The following RNF216 variants were observed in gnomAD, a reference collection of about 807,000 sequenced individuals.
RNF216 encodes the protein E3 ubiquitin-protein ligase RNF216.
RNF216 carries 72 observed loss-of-function variants against 110.8 expected under a neutral mutation model. That is an observed-to-expected ratio of 0.65 (90% CI 0.54 to 0.79). The LOEUF is 0.79. Among genes scored for constraint, RNF216 ranks in the 30% least tolerant of loss-of-function variants. The pLI is 0.00. For missense variants in RNF216, 1,342 were observed against 1,141.2 expected (o/e 1.18, Z -2.54); for synonymous variants, 495 against 407.5 (o/e 1.21, Z -2.59).
chr7:5,726,846 T>G (rs1388635001), intron 7 of RNF216, among the ~76,000 whole-genome samples: 1 of 149,184 alleles, frequency 6.7e-6, no homozygotes, highest in African/African-American at 2.5e-5. Context: ...CGACAGAGCG[T>G]GACTCTGTCT....
At chr7:5,689,639 T>A (rs1428951550) in intron 13 of RNF216, among the ~76,000 whole-genome samples, 2 of 152,038 alleles carry the variant, frequency 1.3e-5, no homozygotes, top group Admixed American at 1.3e-4. Context: ...GTAAAATCAT[T>A]TAGATATGCA....
intron 14 of RNF216, among the ~76,000 whole-genome samples, chr7:5,650,653 T>A (rs1249681798): frequency 6.6e-6 from 1 of 152,144 alleles, no homozygotes; most frequent in Non-Finnish European, 1.5e-5. Context: ...GCCACCTTCA[T>A]CCATCTTCAA....
At chr7:5,689,934 C>A (rs852263) in intron 13 of RNF216, among the ~76,000 whole-genome samples, 27,333 of 121,854 alleles carry the variant, frequency 0.22, 4,394 homozygotes, top group African/African-American at 0.48. Flanking sequence ...CTGTCTCAAA[C>A]AAAAAAAAAA....
chr7:5,645,929 C>T (rs1171517671), intron 14 of RNF216, among the ~76,000 whole-genome samples: 2 of 152,178 alleles, frequency 1.3e-5, no homozygotes, highest in African/African-American at 4.8e-5. Context: ...CTTGTTCATA[C>T]ACTGTGCTCC....
At chr7:5,628,140 C>T (rs936591140) in intron 15 of RNF216, among the ~76,000 whole-genome samples, 6 of 152,160 alleles carry the variant, frequency 3.9e-5, no homozygotes, top group Admixed American at 6.5e-5. Context: ...CCTCACCCTC[C>T]GAAGACAGCC....
intron 10 of RNF216, 103 bp downstream of exon 10, chr7:5,716,613 G>A: frequency 2.3e-6 from 2 of 875,026 alleles, no homozygotes; most frequent in Non-Finnish European, 3.6e-6. Context: ...CAAACAGGAG[G>A]TTATCCAAAA....
At chr7:5,753,807 G>A (rs117354018) in intron 2 of RNF216, among the ~76,000 whole-genome samples, 5,935 of 152,170 alleles carry the variant, frequency 0.039, 167 homozygotes, top group East Asian at 0.065. Context: ...CCAGCCAGAC[G>A]AACACGGTGA....
intron 13 of RNF216, among the ~76,000 whole-genome samples, chr7:5,669,083 A>T (rs1789727292): frequency 6.6e-6 from 1 of 152,168 alleles, no homozygotes; most frequent in Non-Finnish European, 1.5e-5. Flanking sequence ...GTGGCTACAG[A>T]TGGCCCCCCT....
At chr7:5,776,985 G>A (rs1421095796) in intron 1 of RNF216, among the ~76,000 whole-genome samples, 1 of 151,610 alleles carries the variant, frequency 6.6e-6, no homozygotes, top group East Asian at 1.9e-4. Context: ...TGAAAGAAAG[G>A]AAGAGAAAGA....
At position 5,696,965 on chromosome 7, in the gene RNF216, T is replaced by C. The variant is rs1203864009; in HGVS notation, c.2061+14796A>G. Among the ~76,000 whole-genome samples the C allele has an allele frequency of 6.6e-6, 1 of 152,194 alleles. No individual in the cohort carries two copies. Among genetic ancestry groups the C allele is most frequent in the Non-Finnish European group, 1.5e-5 (1 of 68,024 alleles). ...CCACAAGCAGCATGTGATCCCACTG[T>C]GTCCCTCCATTACGCCAGCAACAGC... On this transcript the variant is annotated intron_variant, in intron 13 of 16. Coordinates refer to ENST00000389902, the MANE Select transcript of RNF216 (RefSeq NM_207111.4). The surrounding 1 kb of genome is among the most constrained non-coding windows in gnomAD (Gnocchi z 5.4).
chr7:5,734,077 A>C (rs1323867886), intron 5 of RNF216, among the ~76,000 whole-genome samples: 1 of 152,214 alleles, frequency 6.6e-6, no homozygotes, highest in African/African-American at 2.4e-5. Flanking sequence ...AATCTCCAAC[A>C]AACAATTCTG....
intron 14 of RNF216, among the ~76,000 whole-genome samples, chr7:5,647,090 G>A (rs549692585): frequency 3.0e-4 from 46 of 151,632 alleles, no homozygotes; most frequent in Non-Finnish European, 6.3e-4. Flanking sequence ...CTGGGAGGCT[G>A]TTTCAGCCCT....
chr7:5,636,653 C>T (rs1787414226), intron 15 of RNF216, among the ~76,000 whole-genome samples: 1 of 152,212 alleles, frequency 6.6e-6, no homozygotes, highest in Non-Finnish European at 1.5e-5. Flanking sequence ...TTCGATCGGT[C>T]TCCTGGTGAG....
intron 13 of RNF216, among the ~76,000 whole-genome samples, chr7:5,681,622 G>C (rs1050940423): frequency 2.6e-5 from 4 of 152,182 alleles, no homozygotes; most frequent in African/African-American, 9.7e-5. Flanking sequence ...TGTTGTTCTT[G>C]CTTAGGAAGT....
In RNF216 at chr7:5,729,544, C is replaced by T. The variant is rs202131937; in HGVS notation, c.1277G>A (p.Arg426His). ...DYSKLTPLDQ[R>H]CFIQAADLLM... ...GAGGTCAGCAGCTTGGATGAAGCAG[C>T]GCTGGTCAAGAGGGGTCAATTTAGA... The change falls in exon 7 of 17, where the codon CGC (arginine) becomes CAC (histidine). Residue 426 changes from arginine to histidine, a missense_variant. Transcript: ENST00000389902. 8.0e-5 allele frequency: 129 copies of T among 1,613,980 alleles called. No homozygotes were observed. The highest frequency in any genetic ancestry group is 4.0e-4 in the East Asian group (18 of 44,888).
intron 13 of RNF216, among the ~76,000 whole-genome samples, chr7:5,683,919 C>A (rs192642870): frequency 1.3e-5 from 2 of 152,056 alleles, no homozygotes; most frequent in East Asian, 1.9e-4. Context: ...AGAATAGGGA[C>A]GGGCATCACT....
chr7:5,739,461 G>T (rs78554265), intron 4 of RNF216, 109 bp from the exon 5 acceptor site: 40,686 of 1,083,412 alleles, frequency 0.038, 1,075 homozygotes, highest in Admixed American at 0.089. Context: ...GACTAGAAAA[G>T]GGCTGTGAAG....
intron 12 of RNF216, among the ~76,000 whole-genome samples, chr7:5,712,376 G>C (rs1379074567): frequency 1.3e-5 from 2 of 152,022 alleles, no homozygotes; most frequent in Non-Finnish European, 2.9e-5. Flanking sequence ...AGGAGGCTGA[G>C]GCATGAGAAT....
chr7:5,725,510 A>T, intron 7 of RNF216, 72 bp from the exon 8 acceptor site: 1 of 876,858 alleles, frequency 1.1e-6, no homozygotes, highest in Non-Finnish European at 1.9e-6. Flanking sequence ...GCAATCCCTG[A>T]ATGCCATTTT....
Sources: gnomAD v4.1 joint callset for allele counts (sites outside exome capture counted in the v4.1 genomes callset) on GRCh38, gnomAD v4.1.1 for gene constraint, Gnocchi (gnomAD v3.1) non-coding constraint, MANE v1.5 for transcripts, NCBI Gene and HGNC (gene_info 2026-07-23, HGNC 2026-07-21) for gene names.